Variants in CUX1 observed in about 807,000 individuals in gnomAD.
CUX1 encodes cut like homeobox 1, also known as protein CASP.
In CUX1, 31 loss-of-function variants were observed where a neutral mutation model predicts 158.8. The ratio of observed to expected loss-of-function variants is 0.20; its 90% CI spans 0.15 to 0.26. CUX1 has a LOEUF of 0.26. Ranked by LOEUF, CUX1 falls within the 10% of genes least tolerant of loss-of-function variation. The probability of loss-of-function intolerance (pLI) is 1.00; values close to 1 mark genes in which losing one functional copy is unlikely to be tolerated. For synonymous variants in CUX1, 879 were observed against 862.1 expected, an observed-to-expected ratio of 1.02 and a Z score of -0.34; for missense variants, 1,589 against 2,014.6, an observed-to-expected ratio of 0.79 and a Z score of 4.04.
chr7:102,234,841 A>G lies in CUX1; in HGVS notation c.3622+601A>G, dbSNP rs572046261. Among the ~76,000 whole-genome samples, 8 of 152,128 alleles carry G rather than the reference A, an allele frequency of 5.3e-5. No homozygotes were observed. In the East Asian group the frequency reaches 5.8e-4, roughly 11 times the overall value. ...CAACTACTTGGGAGGCTGAGGCACAAGAATCGCTTGAACCCTGCAGGCGGT... is the reference window on the plus strand; with the variant it reads ...CAACTACTTGGGAGGCTGAGGCACAGGAATCGCTTGAACCCTGCAGGCGGT... On this transcript the variant is annotated intron_variant, in intron 22 of 23. Transcript: ENST00000292535.
chr7:101,826,432 G>A (rs986940608), intron 1 of CUX1, among the ~76,000 whole-genome samples: 1 of 151,910 alleles, frequency 6.6e-6, no homozygotes, highest in East Asian at 1.9e-4. Flanking sequence ...GAGCTCCTGG[G>A]CTCCAGTAAT....
chr7:102,002,984 C>T (rs891487847), intron 2 of CUX1, among the ~76,000 whole-genome samples: 2 of 152,190 alleles, frequency 1.3e-5, no homozygotes, highest in Admixed American at 6.5e-5. Context: ...TCACTGCAAC[C>T]TCCACCTCCT....
At chr7:102,239,907 C>T (rs1223412268) in intron 23 of CUX1, among the ~76,000 whole-genome samples, 3 of 152,092 alleles carry the variant, frequency 2.0e-5, no homozygotes, top group Admixed American at 6.5e-5. Context: ...CCACCAAGCC[C>T]GGCTAATTTT....
intron 20 of CUX1, among the ~76,000 whole-genome samples, chr7:102,210,662 T>C (rs1796421585): frequency 6.6e-6 from 1 of 152,214 alleles, no homozygotes; most frequent in Non-Finnish European, 1.5e-5. Context: ...ACCCAGCTCT[T>C]TCCTGGCGTG....
At chr7:102,013,763 G>A (rs1818295061) in intron 2 of CUX1, among the ~76,000 whole-genome samples, 1 of 152,140 alleles carries the variant, frequency 6.6e-6, no homozygotes, top group Admixed American at 6.6e-5. Context: ...GGAGTGCAGT[G>A]GCACAGTCAC....
At chr7:102,093,013 C>A (rs920644540) in intron 4 of CUX1, among the ~76,000 whole-genome samples, 3 of 151,630 alleles carry the variant, frequency 2.0e-5, no homozygotes. Flanking sequence ...TCCTGCCTTG[C>A]GTTTGTCATT....
intron 9 of CUX1, among the ~76,000 whole-genome samples, chr7:102,166,863 A>C (rs1292618808): frequency 6.6e-6 from 1 of 152,226 alleles, no homozygotes; most frequent in Non-Finnish European, 1.5e-5. Context: ...GAAAGTAACG[A>C]AGGCAAGCCA....
At chr7:101,895,060 G>A (rs952115385) in intron 1 of CUX1, among the ~76,000 whole-genome samples, 2 of 151,840 alleles carry the variant, frequency 1.3e-5, no homozygotes, top group Non-Finnish European at 2.9e-5. Flanking sequence ...TTGCTGTGTC[G>A]CCCAGGCTGG....
rs1586389809 is a variant in CUX1, at chr7:102,239,225, C to T, written c.3623-95C>T. On this transcript the variant is annotated intron_variant, in intron 22 of 23. Coordinates refer to ENST00000292535, the MANE Select transcript of CUX1 (RefSeq NM_181552.4). Reference sequence around the variant, plus strand: ...TTGAGATGCTCTATGCAAAGTCCTGCAAGCCGGCACTGTGCCGTCCCGCTA... The same window carrying T: ...TTGAGATGCTCTATGCAAAGTCCTGTAAGCCGGCACTGTGCCGTCCCGCTA... 4 of 1,409,546 alleles carry T rather than the reference C, an allele frequency of 2.8e-6. No homozygotes were observed. In the East Asian group the frequency reaches 7.3e-5, roughly 26 times the overall value. 87.3% of individuals were successfully genotyped at this position (1,409,546 alleles called of 1,614,324 possible).
At position 102,007,241 on chromosome 7, in the gene CUX1, A is replaced by G. The variant is rs183067309; in HGVS notation, c.142-20857A>G. On this transcript the variant is annotated intron_variant, in intron 2 of 23. Transcript: ENST00000292535. ...ACTGCAGCCTCGGCCTCCTGTACCT[A>G]AGCCATGGCCCTCTCTGACTTTGAA... Among the ~76,000 whole-genome samples the G allele has an allele frequency of 1.9e-3, 292 of 152,156 alleles. 1 individual carries two copies. Among genetic ancestry groups the G allele is most frequent in the Middle Eastern group, 3.4e-3 (1 of 294 alleles).
At chr7:101,919,301 G>T (rs1475805234) in intron 2 of CUX1, among the ~76,000 whole-genome samples, 9 of 152,134 alleles carry the variant, frequency 5.9e-5, no homozygotes, top group Admixed American at 5.9e-4. Flanking sequence ...GGGGACACTG[G>T]GTCACCGTTT....
chr7:102,158,494 C>T (rs1236291659), intron 8 of CUX1, 66 bp from the exon 9 acceptor site: 1 of 1,538,526 alleles, frequency 6.5e-7, no homozygotes, highest in Admixed American at 1.7e-5. Flanking sequence ...AGGAAGCTGT[C>T]CCATCAGTCA....
intron 3 of CUX1, among the ~76,000 whole-genome samples, chr7:102,049,685 A>G (rs1823251012): frequency 6.6e-6 from 1 of 152,110 alleles, no homozygotes; most frequent in African/African-American, 2.4e-5. Context: ...ACCAAAAAAA[A>G]CAAAAACAAA....
intron 4 of CUX1, among the ~76,000 whole-genome samples, chr7:102,097,095 A>G (rs1829278282): frequency 6.6e-6 from 1 of 152,246 alleles, no homozygotes; most frequent in Non-Finnish European, 1.5e-5. Flanking sequence ...GTGTCACACC[A>G]GGCAGGAGTA....
At chr7:101,986,110 G>A (rs1485959245) in intron 2 of CUX1, among the ~76,000 whole-genome samples, 2 of 152,228 alleles carry the variant, frequency 1.3e-5, no homozygotes, top group Non-Finnish European at 2.9e-5. Flanking sequence ...ACTGTAAAGA[G>A]CCCCTCACAG....
In CUX1 at chr7:102,251,855, T is replaced by C. The variant is rs1801548112; in HGVS notation, c.*2813T>C. On this transcript the variant is annotated 3_prime_UTR_variant, in exon 24 of 24. Coordinates refer to ENST00000292535, the MANE Select transcript of CUX1 (RefSeq NM_181552.4). The stretch of plus-strand genomic sequence containing the variant: ...AAGGCATGACTGTTATTTACAAAGG[T>C]GTTAAATCTGAGGAAATTGACAAAT... 1 of 985,318 alleles carries C rather than the reference T, an allele frequency of 1.0e-6. No individual in the cohort carries two copies. The highest frequency in any genetic ancestry group is 1.2e-6 in the Non-Finnish European group (1 of 829,924). The allele number at this position is 985,318 out of a possible 1,614,324, so 61.0% of individuals were successfully genotyped here. A position where few individuals can be genotyped will look rare whatever the true frequency, so the allele number is the denominator to read the frequency against.
intron 14 of CUX1, among the ~76,000 whole-genome samples, chr7:102,271,260 T>C (rs929819481): frequency 6.6e-6 from 1 of 152,202 alleles, no homozygotes; most frequent in African/African-American, 2.4e-5. Context: ...GCCCTCTTTT[T>C]ATCCCAGGAG....
intron 3 of CUX1, among the ~76,000 whole-genome samples, chr7:102,058,065 C>T (rs754922689): frequency 6.6e-6 from 1 of 152,184 alleles, no homozygotes; most frequent in Non-Finnish European, 1.5e-5. Flanking sequence ...GACTCTCCAC[C>T]AGCAAAAAGA....
At chr7:102,053,133 A>C (rs1175162277) in intron 3 of CUX1, among the ~76,000 whole-genome samples, 2 of 152,236 alleles carry the variant, frequency 1.3e-5, no homozygotes, top group Non-Finnish European at 2.9e-5. Flanking sequence ...TTTTGATGCT[A>C]GTCATCCCAG....
Sources: gnomAD v4.1 joint callset for allele counts (sites outside exome capture counted in the v4.1 genomes callset) on GRCh38, gnomAD v4.1.1 for gene constraint, MANE v1.5 for transcripts, NCBI Gene and HGNC (gene_info 2026-07-23, HGNC 2026-07-21) for gene names.